Variants in RBPJ observed in about 807,000 individuals in gnomAD.
RBPJ encodes the protein recombining binding protein suppressor of hairless.
RBPJ carries 9 observed loss-of-function variants against 67.8 expected under a neutral mutation model. That is an observed-to-expected ratio of 0.13 (90% confidence interval 0.08 to 0.23). The LOEUF (loss-of-function observed/expected upper bound fraction) is 0.23, where lower values mean the gene tolerates loss of function less well. RBPJ is among the 10% of genes least tolerant of loss of function. The pLI, the probability that RBPJ is intolerant of heterozygous loss-of-function variation, is 1.00. For missense variants in RBPJ, 305 were observed against 595.6 expected (o/e 0.51, Z 5.08); for synonymous variants, 198 against 203.3 (o/e 0.97, Z 0.22).
chr4:26,331,333 G>A (rs993785752), intron 1 of RBPJ, among the ~76,000 whole-genome samples: 2 of 151,920 alleles, frequency 1.3e-5, no homozygotes, highest in African/African-American at 4.8e-5. Context: ...GGGATCTGCC[G>A]GCCTCAGCCT....
intron 1 of RBPJ, among the ~76,000 whole-genome samples, chr4:26,326,478 T>C (rs1193452057): frequency 6.6e-6 from 1 of 152,198 alleles, no homozygotes; most frequent in Non-Finnish European, 1.5e-5. Context: ...TAGGGATGTA[T>C]GTTAGATTAA....
At chr4:26,327,179 G>A (rs1477380340) in intron 1 of RBPJ, among the ~76,000 whole-genome samples, 1 of 152,026 alleles carries the variant, frequency 6.6e-6, no homozygotes, top group Non-Finnish European at 1.5e-5. Context: ...CTGCTTAAGG[G>A]AATTAAATGA....
At chr4:26,209,580 T>TCTCTCCCTCCCTTCCTCCTTCC (rs1491286492) in intron 1 of RBPJ, among the ~76,000 whole-genome samples, 2 of 134,072 alleles carry the variant, frequency 1.5e-5, no homozygotes, top group African/African-American at 2.8e-5. Flanking sequence ...CCTCCTTCCC[T>TCTCTCCCTCCCTTCCTCCTTCC]GTCTCCCTCC....
At chr4:26,134,928 C>T in the RBPJ span, among the ~76,000 whole-genome samples, 26 of 152,260 alleles carry the variant, frequency 1.7e-4, no homozygotes, top group South Asian at 2.9e-3. Context: ...AAAGGAAACT[C>T]GCCCTGAGAC....
chr4:26,119,718 T>C, the RBPJ span, among the ~76,000 whole-genome samples: 6 of 152,346 alleles, frequency 3.9e-5, no homozygotes, highest in East Asian at 1.2e-3. Flanking sequence ...GCACCTCTCA[T>C]AGGGTATAGG....
intron 1 of RBPJ, among the ~76,000 whole-genome samples, chr4:26,339,225 TC>T (rs748474915): frequency 8.5e-5 from 13 of 152,204 alleles, no homozygotes; most frequent in Non-Finnish European, 1.6e-4. Flanking sequence ...CTAGTTGCGT[TC>T]AGACCTTGCC....
intron 1 of RBPJ, among the ~76,000 whole-genome samples, chr4:26,332,264 T>A (rs764219349): frequency 1.3e-5 from 2 of 152,120 alleles, no homozygotes; most frequent in Non-Finnish European, 2.9e-5. Context: ...TAATTATTGG[T>A]AAGTAAGCCA....
chr4:26,343,274 C>T (rs952741596), intron 1 of RBPJ: 2 of 152,130 alleles, frequency 1.3e-5, no homozygotes, highest in Non-Finnish European at 2.9e-5. Context: ...TTTTGCTTGA[C>T]TGTTGTAATG....
At chr4:26,245,271 C>A (rs1468333000) in intron 1 of RBPJ, among the ~76,000 whole-genome samples, 4 of 138,622 alleles carry the variant, frequency 2.9e-5, no homozygotes, top group African/African-American at 1.1e-4. Context: ...TCCAGTGGTG[C>A]AATCTCAGCT....
intron 1 of RBPJ, among the ~76,000 whole-genome samples, chr4:26,357,841 G>A (rs1207985016): frequency 6.6e-6 from 1 of 152,070 alleles, no homozygotes; most frequent in East Asian, 1.9e-4. Context: ...TTTTGCGACT[G>A]GCTTACTTCA....
At chr4:26,330,468 G>T in intron 1 of RBPJ, among the ~76,000 whole-genome samples, 2 of 152,162 alleles carry the variant, frequency 1.3e-5, no homozygotes, top group South Asian at 2.1e-4. Context: ...CTGACCCCCG[G>T]ATTATATTCA....
At position 26,262,361 on chromosome 4, in the gene RBPJ, C is replaced by G. The variant is rs141259589; in HGVS notation, c.-167+98747C>G. ...AGTAGCTCAGGCTTCAGGCACACAC[C>G]GTCACACCCGGCTTTTATCCTAAGT... On this transcript the variant is annotated intron_variant, in intron 1 of 4. Coordinates refer to the RBPJ transcript ENST00000512351. Among the ~76,000 whole-genome samples the G allele has an allele frequency of 5.3e-3, 810 of 152,304 alleles. 12 individuals carry two copies. The highest frequency in any genetic ancestry group is 0.018 in the African/African-American group (756 of 41,550).
At chr4:26,241,866 T>TA (rs756647707) in intron 1 of RBPJ, among the ~76,000 whole-genome samples, 40 of 152,128 alleles carry the variant, frequency 2.6e-4, no homozygotes, top group East Asian at 1.9e-4. Flanking sequence ...GGGGAATTTT[T>TA]AAAAAAATTG....
intron 1 of RBPJ, among the ~76,000 whole-genome samples, chr4:26,282,457 G>A (rs940426180): frequency 4.6e-5 from 7 of 151,264 alleles, no homozygotes; most frequent in South Asian, 2.1e-4. Context: ...TTTCATATTC[G>A]AATAAAGATC....
At chr4:26,355,202 A>G (rs1727243558) in intron 1 of RBPJ, among the ~76,000 whole-genome samples, 1 of 152,128 alleles carries the variant, frequency 6.6e-6, no homozygotes, top group African/African-American at 2.4e-5. Context: ...AGCTGGGACT[A>G]TAGGTGTGTA....
chr4:26,224,246 T>C (rs1719010955), intron 1 of RBPJ, among the ~76,000 whole-genome samples: 2 of 152,170 alleles, frequency 1.3e-5, no homozygotes, highest in African/African-American at 4.8e-5. Context: ...GATTCTTTTT[T>C]TGAGATGGAG....
the RBPJ span, among the ~76,000 whole-genome samples, chr4:26,132,903 G>T: frequency 6.6e-6 from 1 of 152,182 alleles, no homozygotes; most frequent in South Asian, 2.1e-4. Flanking sequence ...AATCCCTAAG[G>T]CCCTGCTCCA....
At chr4:26,280,522 A>G (rs549048536) in intron 1 of RBPJ, among the ~76,000 whole-genome samples, 2 of 152,042 alleles carry the variant, frequency 1.3e-5, no homozygotes, top group African/African-American at 4.8e-5. Flanking sequence ...AAACTGTTCT[A>G]TGAAAATGCC....
upstream of RBPJ, among the ~76,000 whole-genome samples, chr4:26,316,032 G>GT (rs1192999083): frequency 5.9e-5 from 9 of 151,880 alleles, no homozygotes; most frequent in Admixed American, 2.6e-4. Flanking sequence ...TCAAACACAC[G>GT]TTTTACAATC....
Sources: allele counts gnomAD v4.1 joint callset (sites outside exome capture counted in the v4.1 genomes callset), GRCh38; gene constraint gnomAD v4.1.1; transcripts MANE v1.5; gene names NCBI Gene and HGNC (gene_info 2026-07-23, HGNC 2026-07-21).